The following SIGLEC1 variants were observed in gnomAD, a reference collection of about 807,000 sequenced individuals.
SIGLEC1 encodes the protein sialoadhesin.
A neutral mutation model predicts 148.0 loss-of-function variants in SIGLEC1; 132 were observed. The observed-to-expected ratio is 0.89, with a 90% CI of 0.77 to 1.03. SIGLEC1 has a LOEUF of 1.03. Ranked by LOEUF, SIGLEC1 falls within the 50% of genes least tolerant of loss-of-function variation. The pLI, the probability that SIGLEC1 is intolerant of heterozygous loss-of-function variation, is 0.00. For synonymous variants in SIGLEC1, 945 were observed against 969.0 expected (o/e 0.98, Z 0.46); for missense variants, 2,253 against 2,271.4 (o/e 0.99, Z 0.16).
chr20:3,700,129 T>C (rs1366860740), intron 7 of SIGLEC1, among the ~76,000 whole-genome samples: 1 of 134,574 alleles, frequency 7.4e-6, no homozygotes, highest in Admixed American at 7.5e-5. Context: ...TTTTTTTTTT[T>C]TTTTTTGAGA....
In SIGLEC1 at chr20:3,694,750, T is replaced by C. The variant is rs748703208; in HGVS notation, c.2857A>G (p.Thr953Ala). The C allele has an allele frequency of 1.2e-6, 2 of 1,613,686 alleles. No homozygotes were observed. Among genetic ancestry groups the C allele is most frequent in the South Asian group, 1.1e-5 (1 of 91,094 alleles). ...TGGCAATGATAGGCCCCAGCTTGTG[T>C]CAAAGTTATGGCTGCAAAGCGGAGC... ...ATLRFAAITL[T>A]QAGAYHCQAQ... Residue 953 changes from threonine (T) to alanine (A), a missense_variant, in exon 12 of 22, where the codon ACA (threonine) becomes GCA (alanine). Physicochemically the swap from Thr to Ala is moderately conservative, Grantham distance 58. Transcript: ENST00000344754.
rs1355616785 is a variant in SIGLEC1 at position 3,696,824 on chromosome 20, G to A, written c.2445C>T (p.Phe815=). Residue 815 remains phenylalanine (F), a synonymous_variant, in exon 11 of 22, where the codon TTC becomes TTT. Transcript: ENST00000344754. ...GGGGGCGGCTGTCCACAGTGCAGATGAACAGAGCCATGTGGCCCTGGCCCA... is the reference window on the plus strand; with the variant it reads ...GGGGGCGGCTGTCCACAGTGCAGATAAACAGAGCCATGTGGCCCTGGCCCA... ...LDMGQGHMAL[F]ICTVDSRPLA... 1.2e-6 allele frequency: 2 copies of A among 1,601,542 alleles called. No homozygotes were observed. The highest frequency in any genetic ancestry group is 1.7e-6 in the Non-Finnish European group (2 of 1,173,184).
chr20:3,708,040 C>A, intron 1 of SIGLEC1, among the ~76,000 whole-genome samples: 1 of 152,170 alleles, frequency 6.6e-6, no homozygotes, highest in East Asian at 1.9e-4. Flanking sequence ...GATATGTGCC[C>A]CATAGCAGTG....
At chr20:3,701,061 G>A (rs4813636) in intron 7 of SIGLEC1, among the ~76,000 whole-genome samples, 100,837 of 152,072 alleles carry the variant, frequency 0.66, 34,012 homozygotes, top group African/African-American at 0.76. Context: ...CCTGCTCCCA[G>A]AGTTTCATAA....
chr20:3,707,155 C>T lies in SIGLEC1; in HGVS notation c.-27G>A. 6.2e-7 allele frequency: 1 copy of T among 1,612,408 alleles called. No homozygotes were observed. The highest frequency in any genetic ancestry group is 1.1e-5 in the South Asian group (1 of 91,024). ...GCAGGTTCTTGTGCTGCTCCTGTTG[C>T]CTAAGAGGGTGGTGCGCACTGCGCT... On this transcript the variant is annotated 5_prime_UTR_variant, in exon 2 of 22. Transcript: ENST00000344754.
rs982960256 is a variant in SIGLEC1 at position 3,692,308 on chromosome 20, A to G, written c.4031-106T>C. ...GGCTGAGGCCTCTGGACCAATGGCC[A>G]CTTCCTAGAAGTGACACCTTCCCAG... On this transcript the variant is annotated intron_variant, in intron 16 of 21. Coordinates refer to ENST00000344754, the MANE Select transcript of SIGLEC1 (RefSeq NM_023068.4). The G allele has an allele frequency of 4.0e-6, 5 of 1,258,128 alleles. No homozygotes were observed. The Admixed American group carries it at 8.2e-5, about 21-fold the overall frequency. 77.9% of individuals were successfully genotyped at this position (1,258,128 alleles called of 1,614,324 possible).
intron 18 of SIGLEC1, among the ~76,000 whole-genome samples, chr20:3,690,829 C>CTTTTT (rs1226435413): frequency 1.2e-3 from 146 of 116,872 alleles, no homozygotes; most frequent in African/African-American, 1.7e-3. Flanking sequence ...CTTTTCTTTT[C>CTTTTT]TTTTTTTTTT....
Position 3,703,245 on chromosome 20 carries a change from T to A in SIGLEC1, c.1180A>T (p.Asn394Tyr). Residue 394 changes from asparagine (N) to tyrosine (Y), a missense_variant, in exon 6 of 22, where the codon AAC (asparagine) becomes TAC (tyrosine). By Grantham distance (143) the Asn-to-Tyr change is moderately radical. Coordinates refer to ENST00000344754, the MANE Select transcript of SIGLEC1 (RefSeq NM_023068.4). Reference sequence around the variant, plus strand: ...CCCGAGCGCTCGCTGCCATGGACGTTCTGCACCTCACAGAAGTAGAAGCCA... The same window carrying A: ...CCCGAGCGCTCGCTGCCATGGACGTACTGCACCTCACAGAAGTAGAAGCCA... ...DTGFYFCEVQ[N>Y]VHGSERSGPV... 6.2e-7 allele frequency: 1 copy of A among 1,614,136 alleles called. No individual in the cohort carries two copies. The highest frequency in any genetic ancestry group is 8.5e-7 in the Non-Finnish European group (1 of 1,180,016).
At chr20:3,692,327 T>C (rs2088773121) in intron 16 of SIGLEC1, 125 bp from the exon 17 acceptor site, 1 of 1,186,046 alleles carries the variant, frequency 8.4e-7, no homozygotes, top group African/African-American at 1.5e-5. Context: ...AAGTGACACC[T>C]TCCCAGGAGT....
rs768773518 is a variant in SIGLEC1, at chr20:3,690,053, C to T, written c.4803G>A (p.Glu1601=). 2 of 1,612,326 alleles carry T rather than the reference C, an allele frequency of 1.2e-6. No individual in the cohort carries two copies. The highest frequency in any genetic ancestry group is 2.7e-5 in the African/African-American group (2 of 74,904). ...CCCCTTGGTCGCTGGGCCTCAGCGC[C>T]TCGATGTCCACCCTCAGGGCATTGG... ...ASPNALRVDI[E]ALRPSDQGEY... Residue 1601 remains glutamate, a synonymous_variant, in exon 19 of 22, where the codon GAG becomes GAA. Transcript: ENST00000344754.
rs754759740 is a variant in SIGLEC1, at chr20:3,691,922, G to A, written c.4311C>T (p.Ile1437=). Residue 1437 remains isoleucine, a synonymous_variant, in exon 17 of 22, where the codon ATC becomes ATT. Coordinates refer to ENST00000344754, the MANE Select transcript of SIGLEC1 (RefSeq NM_023068.4). ...AQNLLGSIST[I]GRLQVEGARV... ...ACTCACCTTCTACCTGCAACCGCCC[G>A]ATGGTGCTGATTGAGCCCAGCAAGT... The A allele has an allele frequency of 1.8e-4, 279 of 1,584,476 alleles. No individual in the cohort carries two copies. The Middle Eastern group carries it at 1.8e-3, about 10-fold the overall frequency.
At position 3,703,408 on chromosome 20, in the gene SIGLEC1, G is replaced by A. The variant is rs766935635; in HGVS notation, c.1017C>T (p.Asn339=). The change falls in exon 6 of 22, where the codon AAC becomes AAT. Residue 339 remains asparagine (N), a synonymous_variant. Coordinates refer to ENST00000344754, the MANE Select transcript of SIGLEC1 (RefSeq NM_023068.4). The part of the protein sequence containing the change: ...QVSPAGPILE[N]QTVTLVCNTP... The stretch of plus-strand genomic sequence containing the variant: ...TGTTGCAGACTAGTGTCACTGTCTG[G>A]TTCTCCAGGATGGGACCTGCTGGGC... The A allele has an allele frequency of 2.5e-6, 4 of 1,598,662 alleles. No individual in the cohort carries two copies. Among genetic ancestry groups the A allele is most frequent in the Non-Finnish European group, 1.7e-6 (2 of 1,171,388 alleles).
Position 3,697,309 on chromosome 20 carries a change from AGT to A in SIGLEC1, c.2154_2155del (p.Leu719SerfsTer22). On this transcript the variant is annotated frameshift_variant, in exon 10 of 22. Coordinates refer to ENST00000344754, the MANE Select transcript of SIGLEC1 (RefSeq NM_023068.4). LOFTEE classifies it high-confidence loss of function. ...CAAGTTGGCTTCTGTGCCCTCCTGA[AGT>A]GTGTGTGATGGTGCAATGGCCAGGA... 1 of 1,613,746 alleles carries A rather than the reference AGT, an allele frequency of 6.2e-7. No individual in the cohort carries two copies. Among genetic ancestry groups the A allele is most frequent in the East Asian group, 2.2e-5 (1 of 44,858 alleles).
rs1273347366 is a variant in SIGLEC1, at chr20:3,697,124, C to G, written c.2341G>C (p.Gly781Arg). ...AGCACGGGAGTGGAGAGCTGGGCAC[C>G]AGCCTCAGTCAGGATGCGGCAGGCG... The part of the protein sequence containing the change: ...LYACRILTEA[G>R]AQLSTPVLLS... Residue 781 changes from glycine to arginine, a missense_variant, in exon 10 of 22, where the codon GGT (glycine) becomes CGT (arginine). Coordinates refer to ENST00000344754, the MANE Select transcript of SIGLEC1 (RefSeq NM_023068.4). 1 of 1,613,412 alleles carries G rather than the reference C, an allele frequency of 6.2e-7. No individual in the cohort carries two copies. Among genetic ancestry groups the G allele is most frequent in the Non-Finnish European group, 8.5e-7 (1 of 1,180,032 alleles).
Position 3,692,665 on chromosome 20 carries a change from G to GGTA in SIGLEC1, c.3883_3885dup (p.Tyr1295dup), listed in dbSNP as rs1568839537. On this transcript the variant is annotated inframe_insertion, in exon 16 of 22. Transcript: ENST00000344754. ...CCCTCCTGCAGCCAACGACCGTTGTGGTACCAAGTATAGAGTGTGGGTGCG... is the reference window on the plus strand; with the variant it reads ...CCCTCCTGCAGCCAACGACCGTTGTGGTAGTACCAAGTATAGAGTGTGGGTGCG... The GGTA allele has an allele frequency of 6.2e-7, 1 of 1,613,144 alleles. No individual in the cohort carries two copies. The highest frequency in any genetic ancestry group is 1.7e-5 in the Admixed American group (1 of 60,032).
At position 3,696,729 on chromosome 20, in the gene SIGLEC1, T is replaced by A. The variant is rs1364585976; in HGVS notation, c.2540A>T (p.His847Leu). 6.2e-7 allele frequency: 1 copy of A among 1,613,594 alleles called. No homozygotes were observed. Among genetic ancestry groups the A allele is most frequent in the Admixed American group, 1.7e-5 (1 of 60,030 alleles). ...CTCAGCTTTAGCCTGGAACCGACCA[T>A]GGGATGGGACCTGGGGACCCAGGCT... ...ATSLGPQVPSHGRFQAKAEAN... is the reference protein window; with the variant it reads ...ATSLGPQVPSLGRFQAKAEAN... Residue 847 changes from histidine (H) to leucine (L), a missense_variant, in exon 11 of 22, where the codon CAT becomes CTT. Transcript: ENST00000344754.
At chr20:3,697,706 G>A in intron 9 of SIGLEC1, 92 bp downstream of exon 9, 1 of 1,183,808 alleles carries the variant, frequency 8.4e-7, no homozygotes, top group Non-Finnish European at 1.2e-6. Context: ...CTGCTGCACA[G>A]AGTGGTTTTG....
intron 1 of SIGLEC1, among the ~76,000 whole-genome samples, chr20:3,711,517 A>G (rs2087928734): frequency 6.6e-6 from 1 of 152,102 alleles, no homozygotes; most frequent in African/African-American, 2.4e-5. Flanking sequence ...CCTGACACCA[A>G]GGCTTCTCCC....
chr20:3,694,821 C>T lies in SIGLEC1; in HGVS notation c.2786G>A (p.Arg929His), dbSNP rs373105785. ...HTGVPEGTSY[R>H]WYRDGQPLQE... ...GAGGGGCTGGCCATCCCGATACCAA[C>T]GATATGAGGTCCCCTCTGGGACTCC... The change falls in exon 12 of 22, where the codon CGT (arginine) becomes CAT (histidine). Residue 929 changes from arginine (R) to histidine (H), a missense_variant. Arg to His is a conservative substitution (Grantham distance 29, BLOSUM62 0). Coordinates refer to ENST00000344754, the MANE Select transcript of SIGLEC1 (RefSeq NM_023068.4). 39 of 1,613,438 alleles carry T rather than the reference C, an allele frequency of 2.4e-5. 1 individual carries two copies. Among genetic ancestry groups the T allele is most frequent in the Admixed American group, 2.0e-4 (12 of 60,004 alleles).
Sources: gnomAD v4.1 joint callset for allele counts (sites outside exome capture counted in the v4.1 genomes callset) on GRCh38, gnomAD v4.1.1 for gene constraint, MANE v1.5 for transcripts, NCBI Gene and HGNC (gene_info 2026-07-23, HGNC 2026-07-21) for gene names.